The following CCSER2 variants were observed in gnomAD, a reference collection of about 807,000 sequenced individuals.
The protein encoded by CCSER2 is serine-rich coiled-coil domain-containing protein 2.
CCSER2 carries 46 observed loss-of-function variants against 92.3 expected under a neutral mutation model. That is an observed-to-expected ratio of 0.50 (90% CI 0.39 to 0.64). The LOEUF (loss-of-function observed/expected upper bound fraction) is 0.64. Ranked by LOEUF, CCSER2 falls within the 30% of genes least tolerant of loss-of-function variation. The pLI is 0.00. For synonymous variants in CCSER2, 433 were observed against 431.4 expected, an observed-to-expected ratio of 1.00 and a Z score of -0.04; for missense variants, 1,244 against 1,238.9, an observed-to-expected ratio of 1.00 and a Z score of -0.06.
At chr10:84,460,535 G>A (rs1431205354) in intron 6 of CCSER2, among the ~76,000 whole-genome samples, 4 of 151,584 alleles carry the variant, frequency 2.6e-5, no homozygotes, top group African/African-American at 4.8e-5. Context: ...TCTCTAAGTG[G>A]TTGTATAGAA....
chr10:84,382,909 C>T, intron 3 of CCSER2, among the ~76,000 whole-genome samples: 1 of 152,206 alleles, frequency 6.6e-6, no homozygotes, highest in East Asian at 1.9e-4. Flanking sequence ...GGTATGCCTT[C>T]ATTTTCATGA....
intron 6 of CCSER2, among the ~76,000 whole-genome samples, chr10:84,462,942 A>C (rs1846189009): frequency 1.3e-5 from 2 of 152,236 alleles, no homozygotes; most frequent in South Asian, 4.1e-4. Context: ...TGGTTCAGTC[A>C]CTGGGTTTAC....
chr10:84,507,380 C>CT, intron 9 of CCSER2: 1 of 938,714 alleles, frequency 1.1e-6, no homozygotes, highest in Non-Finnish European at 1.3e-6. Context: ...CTCATAATCA[C>CT]TTTTTTTGGT....
At chr10:84,485,402 G>C (rs1026778046) in intron 9 of CCSER2, among the ~76,000 whole-genome samples, 1 of 152,018 alleles carries the variant, frequency 6.6e-6, no homozygotes, top group Non-Finnish European at 1.5e-5. Context: ...CTAACCTCTG[G>C]TAACCACTAA....
chr10:84,365,770 A>G (rs1845746541), intron 1 of CCSER2, among the ~76,000 whole-genome samples: 4 of 152,174 alleles, frequency 2.6e-5, no homozygotes, highest in South Asian at 2.1e-4. Flanking sequence ...GAAAGAATAT[A>G]ATTTTCTTTC....
intron 4 of CCSER2, chr10:84,424,959 G>A: frequency 1.0e-6 from 1 of 984,016 alleles, no homozygotes. Flanking sequence ...GTACAACTAT[G>A]TCTGAGTAGG....
chr10:84,414,572 C>T (rs1842804569), intron 3 of CCSER2, among the ~76,000 whole-genome samples: 1 of 151,724 alleles, frequency 6.6e-6, no homozygotes, highest in Admixed American at 6.6e-5. Flanking sequence ...TCTCTGGCTG[C>T]CCTTAACATT....
At chr10:84,497,788 A>C (rs1848530377) in intron 9 of CCSER2, among the ~76,000 whole-genome samples, 1 of 152,226 alleles carries the variant, frequency 6.6e-6, no homozygotes, top group Admixed American at 6.5e-5. Flanking sequence ...AGCAGGAGAG[A>C]CAATTTAATA....
intron 1 of CCSER2, among the ~76,000 whole-genome samples, chr10:84,356,121 G>T (rs559407072): frequency 1.3e-5 from 2 of 148,544 alleles, no homozygotes; most frequent in South Asian, 2.1e-4. Context: ...AAAAAAAAAA[G>T]GTGTTGTATT....
chr10:84,356,186 A>G (rs1845162095), intron 1 of CCSER2, among the ~76,000 whole-genome samples: 1 of 152,052 alleles, frequency 6.6e-6, no homozygotes, highest in Non-Finnish European at 1.5e-5. Context: ...CAAAGGAAGA[A>G]GTTGAGTTCT....
chr10:84,440,591 A>C (rs1367105971), intron 6 of CCSER2, among the ~76,000 whole-genome samples: 1 of 152,188 alleles, frequency 6.6e-6, no homozygotes, highest in African/African-American at 2.4e-5. Context: ...TAGAGCTGTC[A>C]TGCAGGGACT....
At chr10:84,458,608 T>G (rs529700650) in intron 6 of CCSER2, among the ~76,000 whole-genome samples, 14 of 152,312 alleles carry the variant, frequency 9.2e-5, no homozygotes, top group African/African-American at 3.1e-4. Context: ...GAATCTCCAG[T>G]TGAGTTTGGA....
At chr10:84,363,782 G>A (rs1845637120) in intron 1 of CCSER2, among the ~76,000 whole-genome samples, 1 of 152,084 alleles carries the variant, frequency 6.6e-6, no homozygotes, top group Admixed American at 6.6e-5. Context: ...CTTGTCCCTT[G>A]TTGTTAGTAG....
chr10:84,425,967 C>T, intron 5 of CCSER2, 74 bp downstream of exon 5: 1 of 1,085,600 alleles, frequency 9.2e-7, no homozygotes, highest in Non-Finnish European at 1.2e-6. Context: ...TTCCCAGAAC[C>T]CTCAAAAAAC....
At chr10:84,489,316 C>G (rs932234148) in intron 9 of CCSER2, among the ~76,000 whole-genome samples, 1 of 152,180 alleles carries the variant, frequency 6.6e-6, no homozygotes, top group African/African-American at 2.4e-5. Context: ...TCTCATTGAT[C>G]TGTCTAAGGT....
In CCSER2 at chr10:84,517,398, G is replaced by C. The variant is rs1353337481; in HGVS notation, c.*3131G>C. ...GAGACCATCTAACATTTTTCTTTTG[G>C]AGTCTCATTTTTATTTGTGCAATAT... On this transcript the variant is annotated 3_prime_UTR_variant, in exon 10 of 10. Transcript: ENST00000372088. The C allele has an allele frequency of 6.6e-6, 1 of 152,482 alleles. No individual in the cohort carries two copies. Among genetic ancestry groups the C allele is most frequent in the Non-Finnish European group, 1.5e-5 (1 of 68,008 alleles). 9.4% of individuals were successfully genotyped at this position (152,482 alleles called of 1,614,324 possible). A position where few individuals can be genotyped will look rare whatever the true frequency, so the allele number is the denominator to read the frequency against.
chr10:84,434,799 G>T (rs1214358887), intron 5 of CCSER2, among the ~76,000 whole-genome samples: 2 of 152,096 alleles, frequency 1.3e-5, no homozygotes, highest in African/African-American at 4.8e-5. Flanking sequence ...CCATTTTATA[G>T]ATTAGGAAAT....
intron 9 of CCSER2, chr10:84,500,026 AC>A (rs1848643547): frequency 6.2e-7 from 1 of 1,608,492 alleles, no homozygotes; most frequent in African/African-American, 1.3e-5. Flanking sequence ...CTTCTGCATG[AC>A]CTGTTCCTCC....
At chr10:84,373,455 C>G (rs963805727) in intron 2 of CCSER2, among the ~76,000 whole-genome samples, 164 bp from the exon 3 acceptor site, 18 of 151,930 alleles carry the variant, frequency 1.2e-4, no homozygotes, top group Non-Finnish European at 7.4e-5. Context: ...AAGATTTTGG[C>G]TCTTGATGTT....
Sources: gnomAD v4.1 joint callset for allele counts (sites outside exome capture counted in the v4.1 genomes callset) on GRCh38, gnomAD v4.1.1 for gene constraint, MANE v1.5 for transcripts, NCBI Gene and HGNC (gene_info 2026-07-23, HGNC 2026-07-21) for gene names.